The following DMKN variants were observed in gnomAD, a reference collection of about 807,000 sequenced individuals.
DMKN encodes dermokine, also known as epidermis-specific secreted protein SK30/SK89.
A neutral mutation model predicts 67.6 loss-of-function variants in DMKN; 58 were observed. The ratio of observed to expected loss-of-function variants is 0.86; its 90% CI spans 0.69 to 1.07. The LOEUF is 1.07. Among genes scored for constraint, DMKN ranks in the 50% least tolerant of loss-of-function variants. The pLI is 0.00. For missense variants in DMKN, 596 were observed against 601.5 expected, an observed-to-expected ratio of 0.99 and a Z score of 0.10; for synonymous variants, 240 against 232.3, an observed-to-expected ratio of 1.03 and a Z score of -0.30.
At chr19:35,500,782 G>C (rs753230808) in intron 11 of DMKN, among the ~76,000 whole-genome samples, 21 of 152,344 alleles carry the variant, frequency 1.4e-4, no homozygotes, top group Non-Finnish European at 2.5e-4. Context: ...AGAGAACCAG[G>C]TTTGGCAACA....
intron 7 of DMKN, 156 bp downstream of exon 7, chr19:35,509,755 G>T: frequency 1.3e-6 from 1 of 797,796 alleles, no homozygotes; most frequent in Non-Finnish European, 2.0e-6. Context: ...GAAATCGTTA[G>T]CATTTTTAGG....
Position 35,500,010 on chromosome 19 carries a change from T to A in DMKN, c.1307A>T (p.His436Leu). The A allele has an allele frequency of 6.2e-7, 1 of 1,614,218 alleles. No homozygotes were observed. The highest frequency in any genetic ancestry group is 8.5e-7 in the Non-Finnish European group (1 of 1,180,052). Residue 436 changes from histidine (H) to leucine (L), a missense_variant, in exon 13 of 16, where the codon CAT (histidine) becomes CTT (leucine). His to Leu is a moderately conservative substitution (Grantham distance 99). Coordinates refer to ENST00000339686, the MANE Select transcript of DMKN (RefSeq NM_033317.5). ...RDDQNYNYNQ[H>L]AYPTAYGGKY... The stretch of plus-strand genomic sequence containing the variant: ...CCCACCATAGGCAGTGGGATACGCA[T>A]GCTGGTTGTAATTGTAGTTCTGTGG...
chr19:35,508,326 C>T, intron 7 of DMKN: 1 of 1,488,208 alleles, frequency 6.7e-7, no homozygotes, highest in Non-Finnish European at 9.1e-7. Flanking sequence ...TAATATGATT[C>T]CTCTAAGAAT....
rs1568583398 is a variant in DMKN, at chr19:35,503,482, T to TAG, written c.1135-597_1135-596insCT. The TAG allele has an allele frequency of 2.1e-5, 33 of 1,537,850 alleles. No individual in the cohort carries two copies. The African/African-American group carries it at 4.3e-4, about 20-fold the overall frequency. ...GAAACAGGTTTTTTTTTGTTTTTTT[T>TAG]TTTTTTTTTTTGAGATGGAGTCTCG... On this transcript the variant is annotated intron_variant, in intron 9 of 15. Transcript: ENST00000339686.
In DMKN at chr19:35,498,697, G is replaced by T. The variant is rs375350843; in HGVS notation, c.*19C>A. Reference sequence around the variant, plus strand: ...CCACTGCCAGGATGTGGCCTGGGTCGGCTCACTCTGACACTCACCTACCAA... The same window carrying T: ...CCACTGCCAGGATGTGGCCTGGGTCTGCTCACTCTGACACTCACCTACCAA... On this transcript the variant is annotated intron_variant, in intron 15 of 15. Coordinates refer to ENST00000339686, the MANE Select transcript of DMKN (RefSeq NM_033317.5). The T allele has an allele frequency of 6.2e-7, 1 of 1,613,584 alleles. No individual in the cohort carries two copies. Among genetic ancestry groups the T allele is most frequent in the South Asian group, 1.1e-5 (1 of 91,030 alleles).
At chr19:35,506,749 C>G (rs1231461433) in intron 7 of DMKN, 1 of 322,662 alleles carries the variant, frequency 3.1e-6, no homozygotes, top group Non-Finnish European at 6.2e-6. Context: ...CATCGTGGGT[C>G]ACGCCTGTAA....
intron 9 of DMKN, among the ~76,000 whole-genome samples, chr19:35,504,050 GC>G (rs1413759124): frequency 6.6e-6 from 1 of 152,072 alleles, no homozygotes; most frequent in African/African-American, 2.4e-5. Context: ...TCTCTCCCCT[GC>G]CCACCTCTGC....
chr19:35,500,144 C>G, intron 12 of DMKN, 115 bp from the exon 13 acceptor site: 7 of 1,255,064 alleles, frequency 5.6e-6, no homozygotes, highest in Non-Finnish European at 8.1e-6. Context: ...CCTGCCTGCT[C>G]CCCTCCTTGT....
intron 9 of DMKN, among the ~76,000 whole-genome samples, chr19:35,503,611 G>T (rs2068852636): frequency 6.6e-6 from 1 of 152,092 alleles, no homozygotes; most frequent in Admixed American, 6.6e-5. Flanking sequence ...AAGTAGCTGG[G>T]ACTACAGGCG....
At chr19:35,501,032 T>A (rs893175663) in intron 11 of DMKN, among the ~76,000 whole-genome samples, 3 of 152,142 alleles carry the variant, frequency 2.0e-5, no homozygotes, top group African/African-American at 7.2e-5. Flanking sequence ...CGTGCTTAGG[T>A]TAGCTCTGGA....
At chr19:35,505,024 T>TAAA (rs60837281) in intron 9 of DMKN, among the ~76,000 whole-genome samples, 21 of 141,352 alleles carry the variant, frequency 1.5e-4, no homozygotes, top group African/African-American at 3.8e-4. Context: ...TTCATATTCT[T>TAAA]AAAAAAAAAA....
Position 35,508,124 on chromosome 19 carries a change from C to A in DMKN, c.1038+1787G>T, listed in dbSNP as rs2069954260. 2.6e-6 allele frequency: 4 copies of A among 1,526,360 alleles called. No homozygotes were observed. In the South Asian group the frequency reaches 3.6e-5, roughly 14 times the overall value. The allele number at this position is 1,526,360 out of a possible 1,614,324, so 94.6% of individuals were successfully genotyped here. On this transcript the variant is annotated intron_variant, in intron 7 of 15. Coordinates refer to ENST00000339686, the MANE Select transcript of DMKN (RefSeq NM_033317.5). The stretch of plus-strand genomic sequence containing the variant: ...GCAGGGATGTGGGACCACCTGTCTG[C>A]CAGTATTGCTCCTGGAGAACAGACC...
chr19:35,511,417 G>A lies in DMKN; in HGVS notation c.912C>T (p.Ser304=). ...GGSRGDSGSE[S]SWGSSTGSSS... ...ACAGAGGTGCCAAACTCACCCAGGA[G>A]GACTCACTGCCGCTGTCACCTCTGC... Residue 304 remains serine (S), a synonymous_variant, in exon 5 of 16, where the codon TCC becomes TCT. Transcript: ENST00000339686. The A allele has an allele frequency of 6.3e-7, 1 of 1,592,074 alleles. No individual in the cohort carries two copies. The highest frequency in any genetic ancestry group is 1.1e-5 in the South Asian group (1 of 89,642).
At position 35,513,380 on chromosome 19, in the gene DMKN, C is replaced by T; in HGVS notation, c.96G>A (p.Gly32=). 1.2e-6 allele frequency: 2 copies of T among 1,612,112 alleles called. No homozygotes were observed. Among genetic ancestry groups the T allele is most frequent in the Non-Finnish European group, 1.7e-6 (2 of 1,180,036 alleles). ...GPLQSGEEST[G]TNIGEALGHG... is the part of the protein sequence containing the mutation. ...GTCCAAGGGCCTCCCCAATATTTGT[C>T]CCAGTGCTTTCCTCTCCGCTCTGCA... is the stretch of plus-strand genomic sequence containing the variant. Residue 32 remains glycine (G), a synonymous_variant, in exon 1 of 16, where the codon GGG becomes GGA. Transcript: ENST00000339686.
At position 35,500,559 on chromosome 19, in the gene DMKN, G is replaced by T. The variant is rs754835367; in HGVS notation, c.1261C>A (p.Gln421Lys). 6.7e-5 allele frequency: 108 copies of T among 1,612,636 alleles called. No individual in the cohort carries two copies. Among genetic ancestry groups the T allele is most frequent in the Non-Finnish European group, 8.6e-5 (101 of 1,179,322 alleles). The change falls in exon 12 of 16, where the codon CAG becomes AAG. Residue 421 changes from glutamine (Q) to lysine (K), a missense_variant. Physicochemically the swap from Gln to Lys is moderately conservative, Grantham distance 53. Coordinates refer to ENST00000339686, the MANE Select transcript of DMKN (RefSeq NM_033317.5). The part of the protein sequence containing the change: ...IIEGADASSL[Q>K]KRAGRDDQNY... ...TGATCGTCTCTGCCTGCACGTTTCT[G>T]CAGTGATGACGCGTCCGCACCCTGA...
chr19:35,499,299 C>T (rs2067964462), intron 13 of DMKN: 2 of 262,324 alleles, frequency 7.6e-6, no homozygotes, highest in Admixed American at 1.0e-4. Context: ...TTTCTCGTCC[C>T]TCAGTGGAAG....
intron 11 of DMKN, chr19:35,501,905 T>C: frequency 6.3e-7 from 1 of 1,576,690 alleles, no homozygotes; most frequent in Non-Finnish European, 8.6e-7. Context: ...CATGTTCATG[T>C]GCTTGTGGAG....
intron 4 of DMKN, 61 bp downstream of exon 4, chr19:35,511,702 G>C (rs896888002): frequency 1.3e-6 from 2 of 1,595,780 alleles, no homozygotes; most frequent in African/African-American, 1.3e-5. Context: ...CAGTCTAAGG[G>C]GAGCAGAACT....
rs960283022 is a variant in DMKN, at chr19:35,511,335, A to C, written c.918+76T>G. On this transcript the variant is annotated intron_variant, in intron 5 of 15. Transcript: ENST00000339686. ...CTCGGGCAGCGGCAGCTTTCAGAGAAACTTGGAGCCCTCTCCCGGCAGGGA... is the reference window on the plus strand; with the variant it reads ...CTCGGGCAGCGGCAGCTTTCAGAGACACTTGGAGCCCTCTCCCGGCAGGGA... 2.5e-6 allele frequency: 4 copies of C among 1,590,434 alleles called. No homozygotes were observed. In the African/African-American group the frequency reaches 5.4e-5, roughly 21 times the overall value.
Sources: gnomAD v4.1 joint callset for allele counts (sites outside exome capture counted in the v4.1 genomes callset) on GRCh38, gnomAD v4.1.1 for gene constraint, MANE v1.5 for transcripts, NCBI Gene and HGNC (gene_info 2026-07-23, HGNC 2026-07-21) for gene names.